Variants in PLAAT5 observed in about 807,000 individuals in gnomAD.
The protein encoded by PLAAT5 is phospholipase A and acyltransferase 5, also known as Ca(2+)-independent N-acyltransferase.
A neutral mutation model predicts 27.8 loss-of-function variants in PLAAT5; 27 were observed. That is an observed-to-expected ratio of 0.97 (90% confidence interval 0.72 to 1.34). PLAAT5 has a LOEUF of 1.34. Ranked by LOEUF, PLAAT5 falls within the 40% of genes most tolerant of loss-of-function variation. The pLI is 0.00. For missense variants in PLAAT5, 368 were observed against 343.8 expected (o/e 1.07, Z -0.56); for synonymous variants, 125 against 136.1 (o/e 0.92, Z 0.57).
Position 63,490,308 on chromosome 11 carries a change from C to T in PLAAT5, c.174G>A (p.Leu58=), listed in dbSNP as rs766047379. The part of the protein sequence containing the change: ...HSEESVGFAA[L]VQLPAKQPPP... ...GAGGCTGCTTGGCTGGGAGCTGGAC[C>T]AACGCTGCGAATCCCACGGATTCTT... is the stretch of plus-strand genomic sequence containing the variant. The change falls in exon 2 of 6, where the codon TTG becomes TTA. Residue 58 remains leucine, a synonymous_variant. Transcript: ENST00000540857. 10 of 1,614,126 alleles carry T rather than the reference C, an allele frequency of 6.2e-6. No homozygotes were observed. The South Asian group carries it at 1.1e-4, about 18-fold the overall frequency.
At chr11:63,478,949 C>A (rs2016217874) in intron 3 of PLAAT5, among the ~76,000 whole-genome samples, 1 of 152,236 alleles carries the variant, frequency 6.6e-6, no homozygotes, top group African/African-American at 2.4e-5. Context: ...CCAACTCTTT[C>A]TTCTGCCTTA....
At chr11:63,471,295 A>AT (rs959293442) in intron 3 of PLAAT5, among the ~76,000 whole-genome samples, 3 of 152,198 alleles carry the variant, frequency 2.0e-5, no homozygotes, top group Admixed American at 6.5e-5. Context: ...AAACTGTCAG[A>AT]TTTTTTTTGT....
At chr11:63,482,022 G>A (rs1404866478) in intron 3 of PLAAT5, among the ~76,000 whole-genome samples, 4 of 151,924 alleles carry the variant, frequency 2.6e-5, no homozygotes, top group Non-Finnish European at 2.9e-5. Context: ...AAACCTGCAC[G>A]TTGTGCACAT....
At chr11:63,475,435 C>G (rs1179145755) in intron 3 of PLAAT5, among the ~76,000 whole-genome samples, 1 of 151,928 alleles carries the variant, frequency 6.6e-6, no homozygotes, top group African/African-American at 2.4e-5. Context: ...CTCTTAAAAT[C>G]TATTTTGTCT....
At chr11:63,481,221 C>G (rs1406017319) in intron 3 of PLAAT5, among the ~76,000 whole-genome samples, 1 of 152,200 alleles carries the variant, frequency 6.6e-6, no homozygotes, top group African/African-American at 2.4e-5. Flanking sequence ...AGGTGGATCA[C>G]CTGAGCTCAG....
intron 3 of PLAAT5, among the ~76,000 whole-genome samples, chr11:63,474,291 A>C (rs981253511): frequency 3.5e-4 from 54 of 152,194 alleles, no homozygotes; most frequent in Non-Finnish European, 2.9e-5. Context: ...TTTCTTATTT[A>C]AACGCATGGT....
In PLAAT5 at chr11:63,474,511, GC is replaced by G. The variant is rs1362496919; in HGVS notation, c.346-6047del. Among the ~76,000 whole-genome samples the G allele has an allele frequency of 4.6e-5, 7 of 152,058 alleles. No individual in the cohort carries two copies. In the East Asian group the frequency reaches 1.4e-3, roughly 29 times the overall value. On this transcript the variant is annotated intron_variant, in intron 3 of 5. Transcript: ENST00000540857. ...TTTATGTCTATAAGATTGATAGTGA[GC>G]CCCCTCTTACATTCCCAGTTTTGGC...
At chr11:63,486,980 T>C (rs146144051) in intron 3 of PLAAT5, among the ~76,000 whole-genome samples, 235 of 152,338 alleles carry the variant, frequency 1.5e-3, no homozygotes, top group African/African-American at 5.3e-3. Context: ...ATGTTGTATG[T>C]CCACTTCTTT....
intron 5 of PLAAT5, among the ~76,000 whole-genome samples, chr11:63,465,237 C>T (rs1445999325): frequency 6.6e-6 from 1 of 152,056 alleles, no homozygotes; most frequent in Non-Finnish European, 1.5e-5. Context: ...CGAGATTGCA[C>T]TACTGCACTC....
intron 3 of PLAAT5, among the ~76,000 whole-genome samples, chr11:63,477,036 C>T (rs922305966): frequency 5.3e-5 from 8 of 152,126 alleles, no homozygotes; most frequent in African/African-American, 1.9e-4. Flanking sequence ...TCATTTGGTG[C>T]TTCTTTATCA....
intron 3 of PLAAT5, among the ~76,000 whole-genome samples, chr11:63,484,924 TA>T (rs1462833700): frequency 6.6e-6 from 1 of 152,104 alleles, no homozygotes; most frequent in Admixed American, 6.6e-5. Flanking sequence ...CTAGAACTGG[TA>T]AATCAATTTA....
At position 63,463,246 on chromosome 11, in the gene PLAAT5, G is replaced by A. The variant is rs936568141; in HGVS notation, c.*257C>T. The A allele has an allele frequency of 7.0e-5, 32 of 457,150 alleles. No individual in the cohort carries two copies. Among genetic ancestry groups the A allele is most frequent in the East Asian group, 3.6e-4 (11 of 30,454 alleles). The allele number at this position is 457,150 out of a possible 1,614,324, so 28.3% of individuals were successfully genotyped here. A position where few individuals can be genotyped will look rare whatever the true frequency, so the allele number is the denominator to read the frequency against. On this transcript the variant is annotated 3_prime_UTR_variant, in exon 6 of 6. Transcript: ENST00000540857. Reference sequence around the variant, plus strand: ...CTACAAAGAGAGTGAAATTAGATCCGTATATGAAATGCCTAGCACAGTGCC... The same window carrying A: ...CTACAAAGAGAGTGAAATTAGATCCATATATGAAATGCCTAGCACAGTGCC...
At position 63,466,202 on chromosome 11, in the gene PLAAT5, T is replaced by C. The variant is rs767789775; in HGVS notation, c.625A>G (p.Met209Val). Residue 209 changes from methionine to valine, a missense_variant, in exon 5 of 6, where the codon ATG (methionine) becomes GTG (valine). Coordinates refer to ENST00000540857, the MANE Select transcript of PLAAT5 (RefSeq NM_001146729.2). Reference sequence around the variant, plus strand: ...CTGTACTGCACGATCTTGTTGACCATCTTTTTTGTACGCTGGATGATCTTG... The same window carrying C: ...CTGTACTGCACGATCTTGTTGACCACCTTTTTTGTACGCTGGATGATCTTG... ...VDKIIQRTKK[M>V]VNKIVQYSLI... is the part of the protein sequence containing the mutation. The C allele has an allele frequency of 5.6e-6, 9 of 1,614,060 alleles. No homozygotes were observed. Among genetic ancestry groups the C allele is most frequent in the Non-Finnish European group, 7.6e-6 (9 of 1,180,040 alleles).
chr11:63,489,030 G>A (rs1174974416), intron 2 of PLAAT5, 54 bp from the exon 3 acceptor site: 1 of 1,254,310 alleles, frequency 8.0e-7, no homozygotes, highest in Non-Finnish European at 1.2e-6. Context: ...CATAATTATT[G>A]GAAAATCTGT....
At chr11:63,470,509 A>T (rs1383667192) in intron 3 of PLAAT5, 1 of 154,706 alleles carries the variant, frequency 6.5e-6, no homozygotes, top group Non-Finnish European at 1.5e-5. Flanking sequence ...AAATCTGAAA[A>T]ATGTGGAAAA....
chr11:63,469,712 T>C (rs960583017), intron 3 of PLAAT5: 1 of 161,996 alleles, frequency 6.2e-6, no homozygotes, highest in Non-Finnish European at 1.4e-5. Flanking sequence ...GTAATACATA[T>C]GTGAAAGTCT....
intron 3 of PLAAT5, chr11:63,469,600 A>C (rs2015966512): frequency 4.4e-6 from 1 of 226,838 alleles, no homozygotes; most frequent in African/African-American, 2.3e-5. Context: ...AAGGCTGTAA[A>C]AGTGTGGGTG....
chr11:63,467,888 G>A (rs935754358), intron 4 of PLAAT5, among the ~76,000 whole-genome samples: 9 of 152,238 alleles, frequency 5.9e-5, no homozygotes, highest in African/African-American at 2.2e-4. Flanking sequence ...GAAACAGCAA[G>A]GAGCATGTTG....
intron 3 of PLAAT5, chr11:63,469,244 AC>A: frequency 5.8e-6 from 1 of 173,358 alleles, no homozygotes; most frequent in Non-Finnish European, 1.3e-5. Flanking sequence ...AAAATATTTG[AC>A]CAGAGCTCCA....
Sources: allele counts gnomAD v4.1 joint callset (sites outside exome capture counted in the v4.1 genomes callset), GRCh38; gene constraint gnomAD v4.1.1; transcripts MANE v1.5; gene names NCBI Gene and HGNC (gene_info 2026-07-23, HGNC 2026-07-21).